Variants in ROBO2 observed in about 807,000 individuals in gnomAD.
The protein encoded by ROBO2 is roundabout guidance receptor 2, also known as roundabout homolog 2.
Under a neutral mutation model 160.8 loss-of-function variants are expected in ROBO2, and 53 were observed. The observed-to-expected ratio is 0.33, with a 90% CI of 0.26 to 0.41. The LOEUF (loss-of-function observed/expected upper bound fraction) is 0.41, where lower values mean the gene tolerates loss of function less well. Ranked by LOEUF, ROBO2 falls within the 10% of genes least tolerant of loss-of-function variation. The probability of loss-of-function intolerance (pLI) is 1.00; values close to 1 mark genes in which losing one functional copy is unlikely to be tolerated. For missense variants in ROBO2, 1,577 were observed against 1,722.4 expected, an observed-to-expected ratio of 0.92 and a Z score of 1.49; for synonymous variants, 664 against 611.7, an observed-to-expected ratio of 1.09 and a Z score of -1.26.
At chr3:77,330,021 A>G (rs2065820760) in intron 2 of ROBO2, among the ~76,000 whole-genome samples, 1 of 152,140 alleles carries the variant, frequency 6.6e-6, no homozygotes. Flanking sequence ...AGTTAGTAAT[A>G]TTTCTACTTT....
intron 2 of ROBO2, among the ~76,000 whole-genome samples, chr3:76,540,603 C>T (rs545874386): frequency 5.3e-4 from 80 of 152,260 alleles, no homozygotes; most frequent in African/African-American, 1.9e-3. Context: ...ATATATAAAA[C>T]TTCTGGTCAA....
chr3:76,505,797 G>A (rs936346189), intron 2 of ROBO2, among the ~76,000 whole-genome samples: 1 of 152,112 alleles, frequency 6.6e-6, no homozygotes, highest in African/African-American at 2.4e-5. Context: ...GTTGCCTTAG[G>A]CTACCCATTT....
chr3:76,261,839 T>C (rs1441098462), intron 2 of ROBO2, among the ~76,000 whole-genome samples: 1 of 152,144 alleles, frequency 6.6e-6, no homozygotes, highest in Non-Finnish European at 1.5e-5. Flanking sequence ...TAGTAGGTAG[T>C]ACTTGAGAAA....
intron 2 of ROBO2, among the ~76,000 whole-genome samples, chr3:76,883,587 C>T (rs1475120219): frequency 6.6e-6 from 1 of 152,162 alleles, no homozygotes; most frequent in African/African-American, 2.4e-5. Context: ...AATTTAGTAT[C>T]ACACTGTAGA....
At chr3:76,664,238 G>A (rs1269830717) in intron 2 of ROBO2, among the ~76,000 whole-genome samples, 1 of 152,164 alleles carries the variant, frequency 6.6e-6, no homozygotes, top group African/African-American at 2.4e-5. Context: ...ATGAAGGTCT[G>A]ATGTTGGGTA....
rs537087457 is a variant in ROBO2 at position 77,347,423 on chromosome 3, C to T, written c.389-129991C>T. Among the ~76,000 whole-genome samples the T allele has an allele frequency of 3.3e-5, 5 of 151,552 alleles. No individual in the cohort carries two copies. The South Asian group carries it at 1.0e-3, about 32-fold the overall frequency. ...TTTTTGTAGCAATTTTCCCTCTTTC[C>T]TTCCCTCTTACCGTATAATTCCCAT... is the stretch of plus-strand genomic sequence containing the variant. On this transcript the variant is annotated intron_variant, in intron 2 of 25. Transcript: ENST00000461745.
chr3:76,060,524 A>G (rs573016305), intron 2 of ROBO2, among the ~76,000 whole-genome samples: 1 of 152,340 alleles, frequency 6.6e-6, no homozygotes, highest in East Asian at 1.9e-4. Context: ...TCTTCCGGGA[A>G]AACATTGGCT....
chr3:76,355,804 A>G (rs2108329569), intron 2 of ROBO2, among the ~76,000 whole-genome samples: 1 of 151,858 alleles, frequency 6.6e-6, no homozygotes, highest in South Asian at 2.1e-4. Flanking sequence ...GATTTTAAGG[A>G]TATCCCGTGC....
chr3:76,080,942 T>TA (rs1482417233), intron 2 of ROBO2, among the ~76,000 whole-genome samples: 2 of 152,126 alleles, frequency 1.3e-5, no homozygotes, highest in Non-Finnish European at 2.9e-5. Context: ...TATTCCTTTA[T>TA]AAAAATATTC....
Position 76,204,481 on chromosome 3 carries a change from C to T in ROBO2, c.109+266879C>T, listed in dbSNP as rs780739402. Among the ~76,000 whole-genome samples the T allele has an allele frequency of 3.9e-5, 6 of 152,094 alleles. No individual in the cohort carries two copies. The South Asian group carries it at 6.2e-4, about 16-fold the overall frequency. ...AGAAGCTGAGAGTTCTGTTTAAAAT[C>T]GACTCTTCTTTGTTCTGGAGAGAAA... On this transcript the variant is annotated intron_variant, in intron 2 of 26. Transcript: ENST00000487694.
At chr3:76,472,064 TG>T (rs928685945) in intron 2 of ROBO2, among the ~76,000 whole-genome samples, 1 of 41,572 alleles carries the variant, frequency 2.4e-5, no homozygotes, top group African/African-American at 1.3e-4. Context: ...TCTGATAAAA[TG>T]TGTGTGTGTG....
intron 1 of ROBO2, among the ~76,000 whole-genome samples, chr3:77,049,109 G>A (rs959865187): frequency 1.3e-5 from 2 of 152,084 alleles, no homozygotes; most frequent in African/African-American, 2.4e-5. Context: ...CTGAAGGATC[G>A]CTTGAGCCTA....
At chr3:77,345,084 A>C (rs191799778) in intron 2 of ROBO2, among the ~76,000 whole-genome samples, 10 of 152,224 alleles carry the variant, frequency 6.6e-5, no homozygotes, top group Admixed American at 2.0e-4. Flanking sequence ...CTTAAAAAAA[A>C]CCGTAAAAAC....
chr3:76,712,845 A>C (rs929799607), intron 2 of ROBO2, among the ~76,000 whole-genome samples: 1 of 152,016 alleles, frequency 6.6e-6, no homozygotes, highest in Non-Finnish European at 1.5e-5. Context: ...TGATTTTACT[A>C]ATCTTTTCCA....
At chr3:77,563,046 T>C in intron 10 of ROBO2, 121 bp from the exon 12 acceptor site, 1 of 874,836 alleles carries the variant, frequency 1.1e-6, no homozygotes, top group Non-Finnish European at 1.9e-6. Flanking sequence ...ATACTTCTGA[T>C]TCATGGAGAT....
intron 2 of ROBO2, among the ~76,000 whole-genome samples, chr3:76,274,144 G>T (rs1181739891): frequency 6.6e-6 from 1 of 151,936 alleles, no homozygotes; most frequent in Non-Finnish European, 1.5e-5. Flanking sequence ...GTTTTGGATG[G>T]GATAAACATT....
At chr3:77,602,490 T>A in exon 20 of ROBO2, 1 of 1,614,116 alleles carries the variant, frequency 6.2e-7, no homozygotes, top group Non-Finnish European at 8.5e-7. Context: ...AAGGTAACAA[T>A]GGTGAGTCAG....
intron 7 of ROBO2, among the ~76,000 whole-genome samples, chr3:77,549,511 A>G (rs2092833618): frequency 1.3e-5 from 2 of 152,060 alleles, no homozygotes; most frequent in South Asian, 2.1e-4. Context: ...GCATATTGAA[A>G]TTACATTCCT....
rs200708749 is a variant in ROBO2, at chr3:77,145,013, TA to T, written c.388+46674del. 3.4e-3 allele frequency among the ~76,000 whole-genome samples: 522 copies of T among 152,168 alleles called. 5 individuals carry two copies. The highest frequency in any genetic ancestry group is 0.011 in the African/African-American group (469 of 41,500). On this transcript the variant is annotated intron_variant, in intron 2 of 25. Coordinates refer to ENST00000461745, the Ensembl canonical transcript of ROBO2. ...AAGTAGTCAGTTGCCCTGGCACATT[TA>T]TTTTTTTGTCATTTTCTCTTAAGTG...
Sources: gnomAD v4.1 joint callset for allele counts (sites outside exome capture counted in the v4.1 genomes callset) on GRCh38, gnomAD v4.1.1 for gene constraint, MANE v1.5 for transcripts, NCBI Gene and HGNC (gene_info 2026-07-23, HGNC 2026-07-21) for gene names.